Variants in ABHD4 observed in about 807,000 individuals in gnomAD.
ABHD4 encodes (Lyso)-N-acylphosphatidylethanolamine lipase.
Under a neutral mutation model 42.3 loss-of-function variants are expected in ABHD4, and 35 were observed. The observed-to-expected ratio is 0.83, with a 90% CI of 0.63 to 1.10. The LOEUF (loss-of-function observed/expected upper bound fraction) is 1.10, where lower values mean the gene tolerates loss of function less well. ABHD4 is among the 50% of genes least tolerant of loss of function. The pLI is 0.00. For missense variants in ABHD4, 389 were observed against 454.8 expected (o/e 0.86, Z 1.32); for synonymous variants, 169 against 170.6 (o/e 0.99, Z 0.07).
At position 22,610,979 on chromosome 14, in the gene ABHD4, C is replaced by CAG; in HGVS notation, c.*36_*37dup. Reference sequence around the variant, plus strand: ...TCTCTGAAGAGGAAGAGGAGAAAGCCAGAGAGTCACTCTTACCTCCCTGTC... The same window carrying CAG: ...TCTCTGAAGAGGAAGAGGAGAAAGCCAGAGAGAGTCACTCTTACCTCCCTGTC... On this transcript the variant is annotated 3_prime_UTR_variant, in exon 7 of 7. Coordinates refer to ENST00000428304, the MANE Select transcript of ABHD4 (RefSeq NM_022060.3). 1.3e-6 allele frequency: 2 copies of CAG among 1,591,528 alleles called. No individual in the cohort carries two copies. The highest frequency in any genetic ancestry group is 1.7e-6 in the Non-Finnish European group (2 of 1,159,936).
chr14:22,607,013 A>G (rs563502178), intron 5 of ABHD4, among the ~76,000 whole-genome samples: 1 of 152,308 alleles, frequency 6.6e-6, no homozygotes, highest in Admixed American at 6.5e-5. Flanking sequence ...CCATTTCTTC[A>G]GAGGGCCTCC....
rs746796638 is a variant in ABHD4, at chr14:22,603,507, T to C, written c.230T>C (p.Phe77Ser). 1.2e-6 allele frequency: 2 copies of C among 1,614,170 alleles called. No individual in the cohort carries two copies. Among genetic ancestry groups the C allele is most frequent in the Non-Finnish European group, 8.5e-7 (1 of 1,180,020 alleles). The change falls in exon 3 of 7, where the codon TTT becomes TCT. Residue 77 changes from phenylalanine to serine, a missense_variant. Coordinates refer to ENST00000428304, the MANE Select transcript of ABHD4 (RefSeq NM_022060.3). Reference sequence around the variant, plus strand: ...ACCCCCTTGGTGATGGTGCATGGTTTTGGGGGCGGCGTGGGTCTCTGGATC... The same window carrying C: ...ACCCCCTTGGTGATGGTGCATGGTTCTGGGGGCGGCGTGGGTCTCTGGATC... ...DRTPLVMVHG[F>S]GGGVGLWILN...
chr14:22,604,233 A>G, intron 4 of ABHD4, 154 bp downstream of exon 4: 1 of 955,680 alleles, frequency 1.0e-6, no homozygotes, highest in Non-Finnish European at 1.5e-6. Flanking sequence ...AAGGTTTGAG[A>G]AGGTTTTTTG....
intron 1 of ABHD4, 143 bp downstream of exon 1, chr14:22,598,472 T>G (rs1594888981): frequency 6.8e-7 from 1 of 1,473,358 alleles, no homozygotes; most frequent in Non-Finnish European, 9.1e-7. Context: ...GGGGGGTGGG[T>G]GCGTTGCTTG....
intron 6 of ABHD4, 124 bp from the exon 7 acceptor site, chr14:22,610,735 A>G: frequency 1.4e-6 from 1 of 716,002 alleles, no homozygotes; most frequent in South Asian, 1.6e-5. Flanking sequence ...AAGGTGGAGC[A>G]TTATCTCTGA....
At chr14:22,600,777 G>C (rs2037273073) in intron 1 of ABHD4, among the ~76,000 whole-genome samples, 1 of 151,748 alleles carries the variant, frequency 6.6e-6, no homozygotes, top group African/African-American at 2.4e-5. Flanking sequence ...TATTTAATGG[G>C]CCAAAACCAT....
intron 4 of ABHD4, chr14:22,605,933 G>A (rs769668435): frequency 2.6e-4 from 233 of 890,708 alleles, no homozygotes; most frequent in Middle Eastern, 2.0e-3. Context: ...TCTGAGACAC[G>A]ATTGTGTTTA....
rs1236035689 is a variant in ABHD4, at chr14:22,605,157, G to T, written c.640+1078G>T. Among the ~76,000 whole-genome samples, 3 of 152,184 alleles carry T rather than the reference G, an allele frequency of 2.0e-5. No homozygotes were observed. In the East Asian group the frequency reaches 5.8e-4, roughly 29 times the overall value. ...TCTGTGGGTAAAAGGGAGAAAAGGA[G>T]GTGGAGGACCATGGGGAGCTAGCCA... On this transcript the variant is annotated intron_variant, in intron 4 of 6. Transcript: ENST00000428304.
At chr14:22,598,454 G>C in intron 1 of ABHD4, 125 bp downstream of exon 1, 1 of 1,541,486 alleles carries the variant, frequency 6.5e-7, no homozygotes, top group Non-Finnish European at 8.7e-7. Flanking sequence ...TCGGCCTCCG[G>C]GGAGGGCGGG....
At position 22,609,750 on chromosome 14, in the gene ABHD4, T is replaced by C. The variant is rs774659676; in HGVS notation, c.779T>C (p.Met260Thr). The C allele has an allele frequency of 5.6e-6, 9 of 1,614,090 alleles. No individual in the cohort carries two copies. Among genetic ancestry groups the C allele is most frequent in the Non-Finnish European group, 7.6e-6 (9 of 1,180,008 alleles). Residue 260 changes from methionine (M) to threonine (T), a missense_variant, in exon 6 of 7, where the codon ATG becomes ACG. Physicochemically the swap from Met to Thr is moderately conservative, Grantham distance 81. Around this residue, in one of 3 missense-constraint regions of ABHD4, gnomAD observed 249 missense variants for 254.4 expected, o/e 0.98. Transcript: ENST00000428304. Reference sequence around the variant, plus strand: ...GGTGAGACAGCATTCAAAGCCATGATGGAGTCCTTTGGCTGGGCCCGGCGC... The same window carrying C: ...GGTGAGACAGCATTCAAAGCCATGACGGAGTCCTTTGGCTGGGCCCGGCGC... ...PSGETAFKAM[M>T]ESFGWARRPM... is the part of the protein sequence containing the mutation.
intron 5 of ABHD4, 42 bp from the exon 6 acceptor site, chr14:22,609,682 C>T: frequency 6.3e-7 from 1 of 1,593,922 alleles, no homozygotes; most frequent in Non-Finnish European, 8.6e-7. Flanking sequence ...AACAAGTTGA[C>T]ATATTCTGCT....
chr14:22,606,225 C>T (rs1413919314), intron 4 of ABHD4, among the ~76,000 whole-genome samples, 197 bp from the exon 5 acceptor site: 1 of 152,158 alleles, frequency 6.6e-6, no homozygotes, highest in Non-Finnish European at 1.5e-5. Flanking sequence ...AATGAGCTGA[C>T]TTTGTGATTT....
intron 1 of ABHD4, among the ~76,000 whole-genome samples, chr14:22,599,858 C>T (rs917128855): frequency 3.9e-5 from 6 of 152,128 alleles, no homozygotes; most frequent in Admixed American, 3.3e-4. Flanking sequence ...TCTGAGTCTC[C>T]CTAGGATTAG....
chr14:22,606,281 G>A (rs551467380), intron 4 of ABHD4, 141 bp from the exon 5 acceptor site: 47 of 639,794 alleles, frequency 7.3e-5, no homozygotes, highest in Admixed American at 3.5e-4. Context: ...TCTTTCTGCC[G>A]CTGTAGTGTT....
At chr14:22,598,686 G>T in intron 1 of ABHD4, 1 of 424,612 alleles carries the variant, frequency 2.4e-6, no homozygotes, top group Non-Finnish European at 4.4e-6. Context: ...TAGCAGCCAG[G>T]CGTGCTCGTC....
At chr14:22,602,580 A>G (rs921142802) in intron 2 of ABHD4, among the ~76,000 whole-genome samples, 3 of 152,098 alleles carry the variant, frequency 2.0e-5, no homozygotes, top group African/African-American at 7.2e-5. Context: ...AACTGGCTGG[A>G]CCACAGTTCT....
intron 1 of ABHD4, 172 bp downstream of exon 1, chr14:22,598,501 G>T (rs752109335): frequency 1.3e-6 from 2 of 1,531,286 alleles, no homozygotes; most frequent in South Asian, 2.4e-5. Flanking sequence ...TTGCCCAGAA[G>T]AGGCAGCGGC....
chr14:22,603,360 T>C (rs1356717402), intron 2 of ABHD4, 30 bp from the exon 3 acceptor site: 1 of 1,613,614 alleles, frequency 6.2e-7, no homozygotes, highest in African/African-American at 1.3e-5. Flanking sequence ...AAACACTTAT[T>C]GACTTACCAT....
At chr14:22,603,262 A>G in intron 2 of ABHD4, 128 bp from the exon 3 acceptor site, 1 of 1,198,918 alleles carries the variant, frequency 8.3e-7, no homozygotes, top group Non-Finnish European at 1.2e-6. Flanking sequence ...GGGTTGTGAG[A>G]GGAAGGAGCT....
Sources: allele counts gnomAD v4.1 joint callset (sites outside exome capture counted in the v4.1 genomes callset), GRCh38; gene constraint gnomAD v4.1.1; regional missense constraint gnomAD v4.1.1; transcripts MANE v1.5; gene names NCBI Gene and HGNC (gene_info 2026-07-23, HGNC 2026-07-21).